The following FOXP4 variants were observed in gnomAD, a reference collection of about 807,000 sequenced individuals.
The protein encoded by FOXP4 is forkhead box P4.
FOXP4 carries 25 observed loss-of-function variants against 82.6 expected under a neutral mutation model. The observed-to-expected ratio is 0.30, with a 90% CI of 0.22 to 0.42. The LOEUF (loss-of-function observed/expected upper bound fraction) is 0.42, where lower values mean the gene tolerates loss of function less well. Among genes scored for constraint, FOXP4 ranks in the 10% least tolerant of loss-of-function variants. FOXP4 has a pLI of 1.00. For synonymous variants in FOXP4, 415 were observed against 388.2 expected, an observed-to-expected ratio of 1.07 and a Z score of -0.81; for missense variants, 785 against 900.9, an observed-to-expected ratio of 0.87 and a Z score of 1.65.
Position 41,584,889 on chromosome 6 carries a change from C to CAGGT in FOXP4, c.422_423+2dup. The CAGGT allele has an allele frequency of 6.2e-7, 1 of 1,609,568 alleles. No homozygotes were observed. Among genetic ancestry groups the CAGGT allele is most frequent in the Non-Finnish European group, 8.5e-7 (1 of 1,178,692 alleles). On this transcript the variant is annotated frameshift_variant and splice_region_variant, in exon 4 of 17. Coordinates refer to ENST00000307972, the MANE Select transcript of FOXP4 (RefSeq NM_001012426.2). LOFTEE classifies it high-confidence loss of function. ...GCAGCAGCAAGCCCTCATGCTCCAG[C>CAGGT]AGGTGAGTCTGGCCCCAGGGCAGCT...
chr6:41,587,198 A>G (rs756740142), intron 6 of FOXP4, 42 bp downstream of exon 6: 1 of 1,609,108 alleles, frequency 6.2e-7, no homozygotes, highest in South Asian at 1.1e-5. Context: ...CCAACCCCAC[A>G]GCCCTGCCTG....
At position 41,602,382 on chromosome 6, in the gene FOXP4, T is replaced by A. The variant is rs1286165321; in HGVS notation, c.*3446T>A. 3 of 152,352 alleles carry A rather than the reference T, an allele frequency of 2.0e-5. No homozygotes were observed. The highest frequency in any genetic ancestry group is 7.2e-5 in the African/African-American group (3 of 41,442). 9.4% of individuals were successfully genotyped at this position (152,352 alleles called of 1,614,324 possible). On this transcript the variant is annotated 3_prime_UTR_variant, in exon 17 of 17. Transcript: ENST00000307972. The stretch of plus-strand genomic sequence containing the variant: ...ACAATGCAATAAAAACAATTACCCA[T>A]GATTTTGCTGCGGCCGCTTCCCCTT...
At chr6:41,595,329 T>C (rs1234732748) in intron 14 of FOXP4, among the ~76,000 whole-genome samples, 1 of 152,200 alleles carries the variant, frequency 6.6e-6, no homozygotes, top group Non-Finnish European at 1.5e-5. Context: ...CAACGGGCCA[T>C]GGGTGAGGGG....
At chr6:41,563,583 A>G (rs976654303) in intron 1 of FOXP4, among the ~76,000 whole-genome samples, 6 of 152,164 alleles carry the variant, frequency 3.9e-5, no homozygotes, top group African/African-American at 1.2e-4. Flanking sequence ...TGTGGCTTCT[A>G]TCCCTCGATG....
At chr6:41,569,712 T>C (rs2127357768) in intron 2 of FOXP4, among the ~76,000 whole-genome samples, 1 of 151,752 alleles carries the variant, frequency 6.6e-6, no homozygotes, top group South Asian at 2.1e-4. Context: ...GCCTCTGGAG[T>C]GCGCACTCCC....
intron 14 of FOXP4, 28 bp from the exon 15 acceptor site, chr6:41,597,148 G>A: frequency 6.2e-7 from 1 of 1,612,670 alleles, no homozygotes; most frequent in Non-Finnish European, 8.5e-7. Flanking sequence ...GAATGAGTGA[G>A]CCAAAGATGG....
At position 41,587,704 on chromosome 6, in the gene FOXP4, C is replaced by T. The variant is rs753992068; in HGVS notation, c.873-89C>T. 325 of 982,500 alleles carry T rather than the reference C, an allele frequency of 3.3e-4. 2 individuals carry two copies. Among genetic ancestry groups the T allele is most frequent in the Non-Finnish European group, 3.9e-4 (252 of 649,838 alleles). 60.9% of individuals were successfully genotyped at this position (982,500 alleles called of 1,614,324 possible). A position where few individuals can be genotyped will look rare whatever the true frequency, so the allele number is the denominator to read the frequency against. ...GAAACCTGTATTGGGGCAGAAATGT[C>T]ACCAGCAGGGGAGCTGGTGCTCAGC... On this transcript the variant is annotated intron_variant, in intron 7 of 16. Transcript: ENST00000307972.
chr6:41,586,242 C>G (rs894758582), intron 5 of FOXP4, among the ~76,000 whole-genome samples: 8 of 152,126 alleles, frequency 5.3e-5, no homozygotes, highest in African/African-American at 1.9e-4. Flanking sequence ...CTAAGTTTAT[C>G]CTGTGTCTCT....
Position 41,590,251 on chromosome 6 carries a change from T to C in FOXP4, c.1358-20T>C, listed in dbSNP as rs760267006. 1 of 1,613,772 alleles carries C rather than the reference T, an allele frequency of 6.2e-7. No individual in the cohort carries two copies. The highest frequency in any genetic ancestry group is 8.5e-7 in the Non-Finnish European group (1 of 1,179,912). On this transcript the variant is annotated intron_variant, in intron 11 of 16. Coordinates refer to ENST00000307972, the MANE Select transcript of FOXP4 (RefSeq NM_001012426.2). ...CTGAGCCCCATATCTGGCTACCTCATCCTCTGCCTGTCTCCCCAGAGCTGG... is the reference window on the plus strand; with the variant it reads ...CTGAGCCCCATATCTGGCTACCTCACCCTCTGCCTGTCTCCCCAGAGCTGG...
intron 16 of FOXP4, among the ~76,000 whole-genome samples, chr6:41,598,571 C>T (rs919097982): frequency 6.6e-5 from 10 of 152,152 alleles, no homozygotes; most frequent in Non-Finnish European, 1.5e-4. Context: ...CTCTGCTCCC[C>T]TCTTCTCTCC....
intron 1 of FOXP4, among the ~76,000 whole-genome samples, chr6:41,556,341 T>G (rs1261249427): frequency 6.7e-6 from 1 of 149,814 alleles, no homozygotes; most frequent in Non-Finnish European, 1.5e-5. Context: ...TTTTTTTTTT[T>G]GAAATGGAGT....
At chr6:41,598,488 G>A (rs1236079582) in intron 16 of FOXP4, among the ~76,000 whole-genome samples, 2 of 152,128 alleles carry the variant, frequency 1.3e-5, no homozygotes, top group Non-Finnish European at 2.9e-5. Flanking sequence ...AAAATGCTGG[G>A]ATTACATGTG....
rs574558533 is a variant in FOXP4 at position 41,601,119 on chromosome 6, T to C, written c.*2183T>C. 2.0e-5 allele frequency: 3 copies of C among 152,396 alleles called. No homozygotes were observed. The South Asian group carries it at 6.2e-4, about 32-fold the overall frequency. 9.4% of individuals were successfully genotyped at this position (152,396 alleles called of 1,614,324 possible). On this transcript the variant is annotated 3_prime_UTR_variant, in exon 17 of 17. Coordinates refer to ENST00000307972, the MANE Select transcript of FOXP4 (RefSeq NM_001012426.2). ...CCTGGATAGGCGTGTGTGTGTGTAG[T>C]GCCCAGGTGTGGTGGTGGCATCCTG...
chr6:41,580,802 C>T (rs6917029), intron 3 of FOXP4, among the ~76,000 whole-genome samples: 7 of 151,952 alleles, frequency 4.6e-5, no homozygotes, highest in Non-Finnish European at 1.0e-4. Context: ...GGAGATCAAG[C>T]GCAGCTCCTT....
chr6:41,581,064 G>A (rs575824818), intron 3 of FOXP4, among the ~76,000 whole-genome samples: 1 of 152,334 alleles, frequency 6.6e-6, no homozygotes, highest in East Asian at 1.9e-4. Flanking sequence ...AAAGGTGGCT[G>A]GGGCCTTGGC....
At chr6:41,555,284 C>G (rs750529325) in intron 1 of FOXP4, among the ~76,000 whole-genome samples, 2 of 152,126 alleles carry the variant, frequency 1.3e-5, no homozygotes, top group South Asian at 4.2e-4. Context: ...GTGGGTGATT[C>G]TTTTTGCCTT....
chr6:41,583,705 C>CTG (rs1765933654), intron 3 of FOXP4, among the ~76,000 whole-genome samples: 1 of 152,200 alleles, frequency 6.6e-6, no homozygotes, highest in Admixed American at 6.5e-5. Context: ...ATCAGAGCAC[C>CTG]TGTCCTGCTA....
chr6:41,567,739 C>G (rs1764964414), intron 2 of FOXP4, among the ~76,000 whole-genome samples: 1 of 152,204 alleles, frequency 6.6e-6, no homozygotes. Flanking sequence ...ACTGTCTGTA[C>G]TGATCAGGTT....
Position 41,558,448 on chromosome 6 carries a change from C to T in FOXP4, c.-16-7297C>T, listed in dbSNP as rs576776725. ...CTTTCTGGACTCCTGTAATTATAGT[C>T]ACTACCCTTCTCTAAACATCTTCCT... On this transcript the variant is annotated intron_variant, in intron 1 of 16. Transcript: ENST00000307972. This position sits in a 1 kb window ranked among gnomAD's most constrained non-coding sequence, Gnocchi z 4.0. Among the ~76,000 whole-genome samples, 1 of 152,320 alleles carries T rather than the reference C, an allele frequency of 6.6e-6. No individual in the cohort carries two copies. The highest frequency in any genetic ancestry group is 1.9e-4 in the East Asian group (1 of 5,182).
Sources: gnomAD v4.1 joint callset for allele counts (sites outside exome capture counted in the v4.1 genomes callset) on GRCh38, gnomAD v4.1.1 for gene constraint, Gnocchi (gnomAD v3.1) non-coding constraint, MANE v1.5 for transcripts, NCBI Gene and HGNC (gene_info 2026-07-23, HGNC 2026-07-21) for gene names.